The following CAPZB variants were observed in gnomAD, a reference collection of about 807,000 sequenced individuals.
CAPZB encodes F-actin-capping protein subunit beta.
A neutral mutation model predicts 38.1 loss-of-function variants in CAPZB; 2 were observed. The ratio of observed to expected loss-of-function variants is 0.05; its 90% CI spans 0.02 to 0.17. The LOEUF is 0.17. Ranked by LOEUF, CAPZB falls within the 10% of genes least tolerant of loss-of-function variation. CAPZB has a pLI of 1.00. For synonymous variants in CAPZB, 107 were observed against 127.4 expected, an observed-to-expected ratio of 0.84 and a Z score of 1.08; for missense variants, 161 against 334.2, an observed-to-expected ratio of 0.48 and a Z score of 4.04.
At chr1:19,421,237 T>C (rs906378393) in intron 1 of CAPZB, among the ~76,000 whole-genome samples, 4 of 152,354 alleles carry the variant, frequency 2.6e-5, no homozygotes, top group Middle Eastern at 3.4e-3. Flanking sequence ...TTTTGAATAT[T>C]ACCGTTTACA....
At chr1:19,477,374 C>T (rs985036617) in intron 1 of CAPZB, among the ~76,000 whole-genome samples, 1 of 152,238 alleles carries the variant, frequency 6.6e-6, no homozygotes, top group Admixed American at 6.5e-5. Context: ...AGGGTATACA[C>T]TGAGGACATG....
At chr1:19,381,267 C>A (rs1430354475) in intron 3 of CAPZB, among the ~76,000 whole-genome samples, 1 of 151,438 alleles carries the variant, frequency 6.6e-6, no homozygotes, top group Non-Finnish European at 1.5e-5. Context: ...CCCCGCCCCC[C>A]CACCACAACA....
intron 1 of CAPZB, among the ~76,000 whole-genome samples, chr1:19,434,359 T>C (rs967094297): frequency 6.6e-6 from 1 of 151,882 alleles, no homozygotes; most frequent in African/African-American, 2.4e-5. Context: ...GAGAACAATA[T>C]CACAAAATAT....
intron 1 of CAPZB, among the ~76,000 whole-genome samples, chr1:19,477,376 G>A (rs2094610547): frequency 6.6e-6 from 1 of 152,244 alleles, no homozygotes; most frequent in African/African-American, 2.4e-5. Context: ...GGTATACACT[G>A]AGGACATGAC....
At chr1:19,366,313 TA>T (rs1356429552) in intron 4 of CAPZB, among the ~76,000 whole-genome samples, 1 of 135,900 alleles carries the variant, frequency 7.4e-6, no homozygotes, top group African/African-American at 2.8e-5. Flanking sequence ...TATATATAAA[TA>T]AAATAAATGG....
intron 1 of CAPZB, among the ~76,000 whole-genome samples, chr1:19,451,768 C>T (rs778448974): frequency 2.0e-5 from 3 of 151,942 alleles, no homozygotes; most frequent in African/African-American, 7.3e-5. Flanking sequence ...ATGGCCTCCA[C>T]CTCTCTGATG....
intron 3 of CAPZB, 120 bp downstream of exon 3, chr1:19,385,385 A>G: frequency 9.0e-7 from 1 of 1,107,204 alleles, no homozygotes; most frequent in Non-Finnish European, 1.3e-6. Context: ...GAACAAACGG[A>G]AGGAAAGCTG....
Position 19,429,842 on chromosome 1 carries a change from T to C in CAPZB, c.4-10092A>G, listed in dbSNP as rs2094436458. Among the ~76,000 whole-genome samples, 4 of 152,000 alleles carry C rather than the reference T, an allele frequency of 2.6e-5. No homozygotes were observed. The South Asian group carries it at 8.3e-4, about 32-fold the overall frequency. On this transcript the variant is annotated intron_variant, in intron 1 of 8. Transcript: ENST00000264202. ...AAAGGAGGGCAGGCTTGCACAGCAC[T>C]CACTCCACACAACCGCCCCTGCCCT...
At chr1:19,469,862 C>A in intron 1 of CAPZB, among the ~76,000 whole-genome samples, 1 of 152,090 alleles carries the variant, frequency 6.6e-6, no homozygotes, top group East Asian at 1.9e-4. Context: ...CACAAGCACC[C>A]AGGTCGGGGG....
At chr1:19,479,715 T>C (rs552622645) in intron 1 of CAPZB, among the ~76,000 whole-genome samples, 4 of 152,296 alleles carry the variant, frequency 2.6e-5, no homozygotes, top group African/African-American at 9.6e-5. Context: ...GCCTCCTGCA[T>C]GCACAGCCAG....
At chr1:19,359,219 T>TA (rs2094039194) in intron 4 of CAPZB, among the ~76,000 whole-genome samples, 1 of 150,782 alleles carries the variant, frequency 6.6e-6, no homozygotes, top group Admixed American at 6.6e-5. Context: ...TCTTTTTTTT[T>TA]TTTTTTTTTT....
In CAPZB at chr1:19,357,598, T is replaced by TA. The variant is rs768161044; in HGVS notation, c.330-36dup. The TA allele has an allele frequency of 6.8e-6, 11 of 1,611,540 alleles. No individual in the cohort carries two copies. The East Asian group carries it at 2.5e-4, about 36-fold the overall frequency. On this transcript the variant is annotated intron_variant, in intron 4 of 8. Transcript: ENST00000264202. The surrounding 1 kb of genome is among the most constrained non-coding windows in gnomAD (Gnocchi z 4.3). ...ACAGGCCAATGTGCCTGTTAGATGC[T>TA]AAAGGACAGATCATCAGCCTGGGTC...
intron 6 of CAPZB, among the ~76,000 whole-genome samples, chr1:19,352,708 A>G (rs1195757233): frequency 6.6e-6 from 1 of 152,222 alleles, no homozygotes; most frequent in Admixed American, 6.5e-5. Flanking sequence ...CGACAGCCTC[A>G]CTGCTGCGGG....
rs372871227 is a variant in CAPZB at position 19,434,732 on chromosome 1, C to T, written c.4-14982G>A. The stretch of plus-strand genomic sequence containing the variant: ...ATCACTTGAGCCTAGGAGTTCAAAC[C>T]AGCTTGGGCAACACGGTAAAACCCC... On this transcript the variant is annotated intron_variant, in intron 1 of 8. Coordinates refer to ENST00000264202, the MANE Select transcript of CAPZB (RefSeq NM_004930.5). 4.6e-5 allele frequency among the ~76,000 whole-genome samples: 7 copies of T among 152,060 alleles called. No individual in the cohort carries two copies. The East Asian group carries it at 7.7e-4, about 17-fold the overall frequency.
At chr1:19,431,744 A>G (rs1439191301) in intron 1 of CAPZB, among the ~76,000 whole-genome samples, 2 of 119,028 alleles carry the variant, frequency 1.7e-5, no homozygotes, top group Non-Finnish European at 3.6e-5. Flanking sequence ...TAAAAAATAA[A>G]AAATAAAAAA....
intron 1 of CAPZB, among the ~76,000 whole-genome samples, chr1:19,431,527 C>T (rs2094441660): frequency 6.6e-6 from 1 of 152,044 alleles, no homozygotes; most frequent in Non-Finnish European, 1.5e-5. Context: ...CAAGACCATC[C>T]TGGCTAACAC....
intron 6 of CAPZB, among the ~76,000 whole-genome samples, chr1:19,348,765 G>A (rs527323596): frequency 7.3e-6 from 1 of 136,182 alleles, no homozygotes; most frequent in South Asian, 2.5e-4. Flanking sequence ...GACAAGGGGG[G>A]GGGGCGGTCT....
intron 2 of CAPZB, among the ~76,000 whole-genome samples, chr1:19,388,053 T>C (rs2094213184): frequency 6.6e-6 from 1 of 152,180 alleles, no homozygotes; most frequent in Non-Finnish European, 1.5e-5. Context: ...CAGTTCCACC[T>C]GGAGCCAGCT....
chr1:19,346,452 T>TAGA, intron 6 of CAPZB, among the ~76,000 whole-genome samples: 1 of 73,280 alleles, frequency 1.4e-5, no homozygotes, highest in Admixed American at 1.4e-4. Flanking sequence ...TGAGAGAAGC[T>TAGA]AAAAAAAAAA....
Sources: allele counts gnomAD v4.1 joint callset (sites outside exome capture counted in the v4.1 genomes callset), GRCh38; gene constraint gnomAD v4.1.1; non-coding constraint Gnocchi (gnomAD v3.1); transcripts MANE v1.5; gene names NCBI Gene and HGNC (gene_info 2026-07-23, HGNC 2026-07-21).